FHDC1: variants seen among roughly 807,000 people sequenced by gnomAD.
FHDC1 encodes the protein FH2 domain-containing protein 1.
In FHDC1, 25 loss-of-function variants were observed where a neutral mutation model predicts 52.6. That is an observed-to-expected ratio of 0.48 (90% CI 0.35 to 0.66). FHDC1 has a LOEUF of 0.66. Ranked by LOEUF, FHDC1 falls within the 30% of genes least tolerant of loss-of-function variation. FHDC1 has a pLI of 0.01. For synonymous variants in FHDC1, 616 were observed against 581.5 expected (o/e 1.06, Z -0.85); for missense variants, 1,459 against 1,452.8 (o/e 1.00, Z -0.07).
At chr4:152,949,170 A>AAGAAGCAGC (rs1165422183) in intron 2 of FHDC1, among the ~76,000 whole-genome samples, 6 of 142,640 alleles carry the variant, frequency 4.2e-5, no homozygotes, top group Middle Eastern at 3.7e-3. Context: ...GAAGAAGAAG[A>AAGAAGCAGC]AGCAGAAGAA....
chr4:152,953,585 C>G (rs1021362043), intron 3 of FHDC1, 25 bp downstream of exon 3: 2 of 1,587,402 alleles, frequency 1.3e-6, no homozygotes, highest in African/African-American at 2.7e-5. Flanking sequence ...ACATTTGAAA[C>G]TTTAGTCATA....
upstream of FHDC1, among the ~76,000 whole-genome samples, chr4:152,932,603 A>G (rs1739272091): frequency 6.6e-6 from 1 of 152,206 alleles, no homozygotes; most frequent in Non-Finnish European, 1.5e-5. Flanking sequence ...TTCTTTCTGC[A>G]GTTTCCAATT....
At chr4:152,919,982 G>T in the FHDC1 span, among the ~76,000 whole-genome samples, 1 of 119,052 alleles carries the variant, frequency 8.4e-6, no homozygotes, top group African/African-American at 3.2e-5. Context: ...GAGACTCTCT[G>T]TGTTGCCGAG....
chr4:152,930,993 ACACACT>A, the FHDC1 span, among the ~76,000 whole-genome samples: 36 of 143,326 alleles, frequency 2.5e-4, no homozygotes, highest in East Asian at 1.5e-3. Context: ...ACACACACAC[ACACACT>A]CTCTCTCTCT....
At chr4:152,956,461 T>C (rs1313523577) in intron 4 of FHDC1, among the ~76,000 whole-genome samples, 1 of 152,172 alleles carries the variant, frequency 6.6e-6, no homozygotes, top group African/African-American at 2.4e-5. Context: ...TCAAAGGTGA[T>C]TAGAAAATGC....
chr4:152,934,054 T>C (rs1739302075), upstream of FHDC1, among the ~76,000 whole-genome samples: 1 of 152,158 alleles, frequency 6.6e-6, no homozygotes, highest in Non-Finnish European at 1.5e-5. Context: ...TTCTCTAAGC[T>C]AGGAAATCAG....
At chr4:152,939,427 C>G (rs990069455) in intron 1 of FHDC1, among the ~76,000 whole-genome samples, 3 of 152,126 alleles carry the variant, frequency 2.0e-5, no homozygotes, top group Non-Finnish European at 4.4e-5. Context: ...AGCCACCGCG[C>G]CTGGCCGAGA....
chr4:152,915,226 GC>G, the FHDC1 span, among the ~76,000 whole-genome samples: 1 of 152,200 alleles, frequency 6.6e-6, no homozygotes, highest in South Asian at 2.1e-4. Flanking sequence ...CCAACTCCTT[GC>G]ATAGTTTTCT....
chr4:152,925,847 G>A, the FHDC1 span, among the ~76,000 whole-genome samples: 4 of 143,910 alleles, frequency 2.8e-5, no homozygotes, highest in African/African-American at 1.0e-4. Flanking sequence ...GGAGAAGAAG[G>A]AGAAGAAGGA....
chr4:152,916,721 C>G, the FHDC1 span, among the ~76,000 whole-genome samples: 4 of 152,064 alleles, frequency 2.6e-5, no homozygotes, highest in Non-Finnish European at 5.9e-5. Flanking sequence ...AATTTCTCCT[C>G]TAGCATGGGA....
At chr4:152,925,263 G>T in the FHDC1 span, among the ~76,000 whole-genome samples, 2 of 151,856 alleles carry the variant, frequency 1.3e-5, no homozygotes, top group East Asian at 3.9e-4. Context: ...TATATTTTTA[G>T]CAATGAAACA....
the FHDC1 span, chr4:152,927,522 A>G: frequency 8.3e-7 from 1 of 1,206,910 alleles, no homozygotes; most frequent in South Asian, 1.2e-5. Context: ...GAATGGTGCA[A>G]AAGGAGGCAA....
At chr4:152,919,204 G>A in the FHDC1 span, among the ~76,000 whole-genome samples, 1 of 152,252 alleles carries the variant, frequency 6.6e-6, no homozygotes, top group African/African-American at 2.4e-5. Context: ...ACTACTAACA[G>A]CTGTCGAGCC....
intron 2 of FHDC1, among the ~76,000 whole-genome samples, chr4:152,944,713 A>C (rs1739675713): frequency 6.6e-6 from 1 of 152,212 alleles, no homozygotes; most frequent in Non-Finnish European, 1.5e-5. Context: ...CTGGGGTTAG[A>C]ATTCTTGAAG....
At chr4:152,937,199 C>A (rs1739408630) in intron 1 of FHDC1, among the ~76,000 whole-genome samples, 1 of 152,080 alleles carries the variant, frequency 6.6e-6, no homozygotes, top group Non-Finnish European at 1.5e-5. Context: ...AGCCGCAGTG[C>A]GGCCGTGAGG....
intron 2 of FHDC1, among the ~76,000 whole-genome samples, chr4:152,949,204 G>C (rs185176592): frequency 6.6e-6 from 1 of 151,276 alleles, no homozygotes. Flanking sequence ...GACCAGGCAT[G>C]GTGGCTGAAA....
chr4:152,966,097 G>A (rs1035624703), intron 9 of FHDC1, among the ~76,000 whole-genome samples: 9 of 152,182 alleles, frequency 5.9e-5, no homozygotes, highest in Non-Finnish European at 1.3e-4. Flanking sequence ...AAAGAAATTT[G>A]TGTGGGAACA....
chr4:152,930,561 T>C, the FHDC1 span, among the ~76,000 whole-genome samples: 1 of 152,206 alleles, frequency 6.6e-6, no homozygotes, highest in East Asian at 1.9e-4. Context: ...GAGATGTAGA[T>C]GTAAACTGAT....
intron 2 of FHDC1, among the ~76,000 whole-genome samples, chr4:152,952,650 G>T (rs1642802431): frequency 6.6e-6 from 1 of 152,192 alleles, no homozygotes; most frequent in South Asian, 2.1e-4. Flanking sequence ...GCAGGAGGTT[G>T]TGCATAGATT....
Sources: allele counts gnomAD v4.1 joint callset (sites outside exome capture counted in the v4.1 genomes callset), GRCh38; gene constraint gnomAD v4.1.1; transcripts MANE v1.5; gene names NCBI Gene and HGNC (gene_info 2026-07-23, HGNC 2026-07-21).